Variants in MYO9A observed in about 807,000 individuals in gnomAD.
MYO9A encodes unconventional myosin-IXa.
Under a neutral mutation model 293.3 loss-of-function variants are expected in MYO9A, and 103 were observed. The observed-to-expected ratio is 0.35, with a 90% confidence interval of 0.30 to 0.41. The LOEUF is 0.41. MYO9A is among the 10% of genes least tolerant of loss of function. The pLI, the probability that MYO9A is intolerant of heterozygous loss-of-function variation, is 1.00. For missense variants in MYO9A, 2,685 were observed against 3,033.0 expected (o/e 0.89, Z 2.69); for synonymous variants, 1,001 against 1,035.7 (o/e 0.97, Z 0.64).
At chr15:71,851,386 A>T in intron 36 of MYO9A, 28 bp from the exon 37 acceptor site, 1 of 1,542,566 alleles carries the variant, frequency 6.5e-7, no homozygotes, top group South Asian at 1.1e-5. Context: ...AGAAACTAAG[A>T]CTAAATATCC....
intron 6 of MYO9A, among the ~76,000 whole-genome samples, chr15:72,014,199 T>C (rs1313817681): frequency 3.3e-5 from 5 of 152,208 alleles, no homozygotes; most frequent in East Asian, 1.9e-4. Context: ...TTTAAGCCAA[T>C]TGCTCCTATG....
At chr15:71,879,691 C>G in intron 30 of MYO9A, 30 bp downstream of exon 30, 1 of 1,497,774 alleles carries the variant, frequency 6.7e-7, no homozygotes, top group Non-Finnish European at 9.3e-7. Flanking sequence ...TGTTGAACTA[C>G]TAAATATCTC....
chr15:72,018,984 C>T (rs368282994), intron 6 of MYO9A, 55 bp downstream of exon 6: 8 of 1,380,224 alleles, frequency 5.8e-6, no homozygotes, highest in South Asian at 2.4e-5. Context: ...GATGCAAATG[C>T]GCAATGTGAG....
chr15:72,019,708 C>T (rs1250163290), intron 5 of MYO9A, among the ~76,000 whole-genome samples: 1 of 152,102 alleles, frequency 6.6e-6, no homozygotes, highest in Non-Finnish European at 1.5e-5. Flanking sequence ...ACAGTTAATA[C>T]AACACACTGT....
chr15:71,865,953 T>A (rs1173511762), intron 32 of MYO9A, among the ~76,000 whole-genome samples: 1 of 152,222 alleles, frequency 6.6e-6, no homozygotes, highest in Admixed American at 6.5e-5. Context: ...GAGATGTGAA[T>A]TCAAGAATCA....
At chr15:71,977,215 T>G (rs2076164960) in intron 12 of MYO9A, among the ~76,000 whole-genome samples, 1 of 152,226 alleles carries the variant, frequency 6.6e-6, no homozygotes, top group Admixed American at 6.5e-5. Flanking sequence ...ATTACTAATT[T>G]ACCATAACAT....
chr15:71,865,037 G>A (rs1567210160), intron 32 of MYO9A, among the ~76,000 whole-genome samples: 3 of 152,144 alleles, frequency 2.0e-5, no homozygotes, highest in African/African-American at 7.2e-5. Flanking sequence ...TGATTTTACA[G>A]TGGTACATGT....
chr15:72,067,832 T>C (rs928564071), intron 1 of MYO9A, among the ~76,000 whole-genome samples: 1 of 152,114 alleles, frequency 6.6e-6, no homozygotes, highest in East Asian at 1.9e-4. Context: ...GTAATACAAT[T>C]CCAGAAGCTT....
chr15:72,041,378 C>A, intron 2 of MYO9A: 1 of 488,488 alleles, frequency 2.0e-6, no homozygotes, highest in Non-Finnish European at 4.1e-6. Context: ...GAATGCATAT[C>A]AGTTGATAAT....
intron 18 of MYO9A, among the ~76,000 whole-genome samples, chr15:71,924,413 T>C (rs2058237428): frequency 1.3e-5 from 2 of 152,052 alleles, no homozygotes; most frequent in Non-Finnish European, 2.9e-5. Context: ...GGCTAAATTT[T>C]TTGTATTTTT....
At chr15:72,059,436 CA>C (rs2078816734) in intron 1 of MYO9A, among the ~76,000 whole-genome samples, 1 of 152,216 alleles carries the variant, frequency 6.6e-6, no homozygotes. Flanking sequence ...TCTGTGACTT[CA>C]CTGAAAATCT....
intron 1 of MYO9A, among the ~76,000 whole-genome samples, chr15:72,090,773 C>G (rs1328127073): frequency 6.6e-6 from 1 of 152,056 alleles, no homozygotes; most frequent in African/African-American, 2.4e-5. Flanking sequence ...AGATAATAAA[C>G]CACCTTCCCT....
At chr15:71,927,052 C>G (rs1343941019) in intron 18 of MYO9A, among the ~76,000 whole-genome samples, 1 of 152,076 alleles carries the variant, frequency 6.6e-6, no homozygotes, top group Non-Finnish European at 1.5e-5. Flanking sequence ...GTGGGGCCAC[C>G]AAGTGGGCCC....
At chr15:71,870,284 T>C (rs1156770817) in intron 32 of MYO9A, among the ~76,000 whole-genome samples, 1 of 151,170 alleles carries the variant, frequency 6.6e-6, no homozygotes, top group Non-Finnish European at 1.5e-5. Context: ...ATTAAATGGT[T>C]CCATAGGAAA....
chr15:71,887,264 G>A (rs901312846), intron 27 of MYO9A, among the ~76,000 whole-genome samples: 4 of 152,066 alleles, frequency 2.6e-5, no homozygotes, highest in Admixed American at 2.6e-4. Flanking sequence ...TAAGTATAGA[G>A]GGAGATAAAG....
intron 32 of MYO9A, among the ~76,000 whole-genome samples, chr15:71,871,449 C>T (rs1012113571): frequency 6.6e-6 from 1 of 151,876 alleles, no homozygotes; most frequent in Non-Finnish European, 1.5e-5. Context: ...CCACCCAGTA[C>T]TTTGGGAGGT....
chr15:72,111,213 C>T (rs547398821), intron 1 of MYO9A, among the ~76,000 whole-genome samples: 66 of 150,092 alleles, frequency 4.4e-4, no homozygotes, highest in African/African-American at 1.6e-3. Context: ...AAATAGGCTG[C>T]GCACAGTGGC....
At chr15:72,013,135 G>A (rs2149010501) in intron 6 of MYO9A, among the ~76,000 whole-genome samples, 1 of 152,312 alleles carries the variant, frequency 6.6e-6, no homozygotes, top group South Asian at 2.1e-4. Context: ...CAGAGAAAGT[G>A]AGAAAGTAAA....
At chr15:72,110,956 G>A (rs914131888) in intron 1 of MYO9A, among the ~76,000 whole-genome samples, 36 of 151,454 alleles carry the variant, frequency 2.4e-4, no homozygotes, top group African/African-American at 7.7e-4. Flanking sequence ...TCAGGAGATC[G>A]AGACCATCCT....
Sources: allele counts gnomAD v4.1 joint callset (sites outside exome capture counted in the v4.1 genomes callset), GRCh38; gene constraint gnomAD v4.1.1; transcripts MANE v1.5; gene names NCBI Gene and HGNC (gene_info 2026-07-23, HGNC 2026-07-21).